The following ZNF609 variants were observed in gnomAD, a reference collection of about 807,000 sequenced individuals.
ZNF609 encodes zinc finger protein 609.
Under a neutral mutation model 109.5 loss-of-function variants are expected in ZNF609, and 11 were observed. The ratio of observed to expected loss-of-function variants is 0.10; its 90% CI spans 0.06 to 0.17. The LOEUF (loss-of-function observed/expected upper bound fraction) is 0.17, where lower values mean the gene tolerates loss of function less well. Ranked by LOEUF, ZNF609 falls within the 10% of genes least tolerant of loss-of-function variation. The probability of loss-of-function intolerance (pLI) is 1.00; values close to 1 mark genes in which losing one functional copy is unlikely to be tolerated. For missense variants in ZNF609, 1,559 were observed against 1,772.4 expected, an observed-to-expected ratio of 0.88 and a Z score of 2.16; for synonymous variants, 646 against 662.0, an observed-to-expected ratio of 0.98 and a Z score of 0.37.
intron 2 of ZNF609, among the ~76,000 whole-genome samples, chr15:64,542,730 T>C (rs768057284): frequency 1.7e-4 from 26 of 152,202 alleles, no homozygotes; most frequent in Non-Finnish European, 2.9e-4. Context: ...TGGATGATTC[T>C]TCTTTTTAAC....
At position 64,481,638 on chromosome 15, in the gene ZNF609, G is replaced by A. The variant is rs1245619824; in HGVS notation, c.-127-17655G>A. 2.0e-5 allele frequency among the ~76,000 whole-genome samples: 3 copies of A among 152,108 alleles called. No individual in the cohort carries two copies. The East Asian group carries it at 5.8e-4, about 29-fold the overall frequency. The stretch of plus-strand genomic sequence containing the variant: ...AAGAAAGGCATCTTTCTAAGAAGAA[G>A]GCATTTCTAAAATATTGGAAACGTT... On this transcript the variant is annotated intron_variant, in intron 1 of 9. Transcript: ENST00000326648.
intron 3 of ZNF609, among the ~76,000 whole-genome samples, chr15:64,632,301 C>T (rs74483791): frequency 1.5e-4 from 22 of 151,240 alleles, no homozygotes; most frequent in Admixed American, 1.1e-3. Flanking sequence ...GCAATCCTCC[C>T]GCCTCACCTC....
intron 2 of ZNF609, among the ~76,000 whole-genome samples, chr15:64,621,757 T>C (rs1487774005): frequency 7.7e-6 from 1 of 130,432 alleles, no homozygotes; most frequent in Non-Finnish European, 1.6e-5. Flanking sequence ...TGGAAGCAAA[T>C]TGCTTCTTTC....
Position 64,525,428 on chromosome 15 carries a change from C to T in ZNF609, c.747+25262C>T, listed in dbSNP as rs188117915. On this transcript the variant is annotated intron_variant, in intron 2 of 9. Coordinates refer to ENST00000326648, the MANE Select transcript of ZNF609 (RefSeq NM_015042.2). ...TTTATCTAGACTCTCAGTTTTGTTCCGTTGATCAACATATCTATCCTTATG... is the reference window on the plus strand; with the variant it reads ...TTTATCTAGACTCTCAGTTTTGTTCTGTTGATCAACATATCTATCCTTATG... 3.4e-4 allele frequency among the ~76,000 whole-genome samples: 52 copies of T among 152,244 alleles called. No homozygotes were observed. In the East Asian group the frequency reaches 5.0e-3, roughly 15 times the overall value.
intron 2 of ZNF609, among the ~76,000 whole-genome samples, chr15:64,597,848 C>T (rs1000984387): frequency 2.0e-5 from 3 of 152,234 alleles, no homozygotes; most frequent in East Asian, 1.9e-4. Flanking sequence ...AATGTCCTTA[C>T]CCTTCTGCCT....
intron 2 of ZNF609, chr15:64,500,684 G>T: frequency 2.1e-6 from 1 of 478,662 alleles, no homozygotes; most frequent in Non-Finnish European, 3.7e-6. Context: ...TCTATTGCCG[G>T]CTACCAAAGA....
chr15:64,671,261 G>A (rs187399055), intron 4 of ZNF609: 15 of 151,248 alleles, frequency 9.9e-5, no homozygotes, highest in African/African-American at 2.4e-4. Flanking sequence ...AGTGTTCAGC[G>A]GGTGCTCACT....
intron 2 of ZNF609, among the ~76,000 whole-genome samples, chr15:64,517,995 C>A (rs1277728814): frequency 6.6e-6 from 1 of 151,940 alleles, no homozygotes; most frequent in Non-Finnish European, 1.5e-5. Context: ...CCCAGGCTCA[C>A]CACGTTGAAC....
intron 2 of ZNF609, among the ~76,000 whole-genome samples, chr15:64,589,025 A>C (rs560722462): frequency 1.1e-4 from 17 of 152,272 alleles, no homozygotes; most frequent in Admixed American, 7.2e-4. Context: ...TCAGAATGTT[A>C]TCTGGGGACT....
chr15:64,657,204 G>A (rs1896502830), intron 3 of ZNF609, among the ~76,000 whole-genome samples: 1 of 149,814 alleles, frequency 6.7e-6, no homozygotes, highest in African/African-American at 2.5e-5. Flanking sequence ...GGGTTGCAGT[G>A]AGCCAAGATC....
chr15:64,562,872 AGTGTGTGTGTGTGT>A (rs6145601), intron 2 of ZNF609, among the ~76,000 whole-genome samples: 1,750 of 149,044 alleles, frequency 0.012, 16 homozygotes, highest in Non-Finnish European at 0.018. Flanking sequence ...GGTAAGCGTG[AGTGTGTGTGTGTGT>A]GTGTGTGTGT....
At chr15:64,598,742 GTA>G (rs1169879124) in intron 2 of ZNF609, among the ~76,000 whole-genome samples, 10,122 of 58,572 alleles carry the variant, frequency 0.17, 587 homozygotes, top group Non-Finnish European at 0.2. Context: ...CTTTGTGTGT[GTA>G]TATATATATA....
At chr15:64,498,162 G>C (rs1050291973) in intron 1 of ZNF609, among the ~76,000 whole-genome samples, 6 of 151,970 alleles carry the variant, frequency 3.9e-5, no homozygotes, top group Admixed American at 3.9e-4. Flanking sequence ...TGATTCTTCT[G>C]CCTCAGCCTC....
chr15:64,598,864 A>T (rs1030358607), intron 2 of ZNF609, among the ~76,000 whole-genome samples: 16 of 148,784 alleles, frequency 1.1e-4, no homozygotes, highest in African/African-American at 3.7e-4. Context: ...ATTTTGATAC[A>T]TATTGCCAAA....
Position 64,675,465 on chromosome 15 carries a change from G to C in ZNF609, c.2611G>C (p.Val871Leu), listed in dbSNP as rs1418994334. 4 of 1,614,134 alleles carry C rather than the reference G, an allele frequency of 2.5e-6. No homozygotes were observed. The highest frequency in any genetic ancestry group is 1.6e-4 in the Middle Eastern group (1 of 6,062). ...SVKSKDAEQL[V>L]KEGAKKTLFP... ...CAAATCAAAGGACGCCGAACAGTTG[G>C]TTAAAGAAGGGGCTAAGAAAACTCT... Residue 871 changes from valine to leucine, a missense_variant, in exon 5 of 10, where the codon GTT (valine) becomes CTT (leucine). Coordinates refer to ENST00000326648, the MANE Select transcript of ZNF609 (RefSeq NM_015042.2).
intron 2 of ZNF609, among the ~76,000 whole-genome samples, chr15:64,558,949 C>G (rs973066914): frequency 6.6e-6 from 1 of 151,706 alleles, no homozygotes; most frequent in South Asian, 2.1e-4. Context: ...GACCTTGACC[C>G]AAGAAGTTAT....
intron 2 of ZNF609, among the ~76,000 whole-genome samples, chr15:64,545,152 G>A (rs1357852897): frequency 1.3e-5 from 2 of 152,072 alleles, no homozygotes; most frequent in Non-Finnish European, 1.5e-5. Flanking sequence ...TTGTTAAAAG[G>A]TGGGGAATGG....
chr15:64,672,330 A>T (rs1231365868), intron 4 of ZNF609, among the ~76,000 whole-genome samples: 4 of 149,476 alleles, frequency 2.7e-5, no homozygotes, highest in Admixed American at 2.6e-4. Flanking sequence ...AGACTTTTAT[A>T]AGACTATATT....
intron 1 of ZNF609, among the ~76,000 whole-genome samples, chr15:64,478,158 GTGT>G (rs1893199089): frequency 2.5e-5 from 2 of 81,372 alleles, no homozygotes; most frequent in Non-Finnish European, 2.2e-5. Context: ...GAATAAAGGT[GTGT>G]GTGTGTGTGT....
Sources: allele counts gnomAD v4.1 joint callset (sites outside exome capture counted in the v4.1 genomes callset), GRCh38; gene constraint gnomAD v4.1.1; transcripts MANE v1.5; gene names NCBI Gene and HGNC (gene_info 2026-07-23, HGNC 2026-07-21).